Variants in SLCO3A1 observed in about 807,000 individuals in gnomAD.
The protein encoded by SLCO3A1 is solute carrier organic anion transporter family member 3A1, also known as PGE1 transporter.
SLCO3A1 carries 27 observed loss-of-function variants against 63.1 expected under a neutral mutation model. That is an observed-to-expected ratio of 0.43 (90% CI 0.32 to 0.59). The LOEUF (loss-of-function observed/expected upper bound fraction) is 0.59, where lower values mean the gene tolerates loss of function less well. Among genes scored for constraint, SLCO3A1 ranks in the 20% least tolerant of loss-of-function variants. SLCO3A1 has a pLI of 0.09. For missense variants in SLCO3A1, 773 were observed against 945.8 expected, an observed-to-expected ratio of 0.82 and a Z score of 2.40; for synonymous variants, 473 against 409.9, an observed-to-expected ratio of 1.15 and a Z score of -1.86.
intron 2 of SLCO3A1, among the ~76,000 whole-genome samples, chr15:91,998,601 T>C (rs1567058991): frequency 6.6e-6 from 1 of 152,208 alleles, no homozygotes; most frequent in East Asian, 1.9e-4. Context: ...TACCATCTCA[T>C]ACCAGTCAGA....
At chr15:92,098,434 C>G (rs1057309722) in intron 3 of SLCO3A1, among the ~76,000 whole-genome samples, 1 of 152,162 alleles carries the variant, frequency 6.6e-6, no homozygotes, top group African/African-American at 2.4e-5. Context: ...CCCCTGAGAG[C>G]TGGGGGAGGA....
At chr15:92,024,923 C>T (rs2046552860) in intron 2 of SLCO3A1, among the ~76,000 whole-genome samples, 2 of 152,106 alleles carry the variant, frequency 1.3e-5, no homozygotes, top group South Asian at 4.1e-4. Context: ...CCATCCATCC[C>T]TCCATCTGTC....
chr15:91,884,776 T>C (rs1414890232), intron 1 of SLCO3A1, among the ~76,000 whole-genome samples: 1 of 152,172 alleles, frequency 6.6e-6, no homozygotes, highest in Non-Finnish European at 1.5e-5. Context: ...TTGGAATTAT[T>C]TGTTTGGATT....
chr15:91,939,651 A>G (rs1899547551), intron 2 of SLCO3A1, among the ~76,000 whole-genome samples: 1 of 152,126 alleles, frequency 6.6e-6, no homozygotes, highest in Non-Finnish European at 1.5e-5. Flanking sequence ...GCAGTGACAG[A>G]GGGGGTGCCA....
Position 91,885,673 on chromosome 15 carries a change from A to G in SLCO3A1, c.181-30320A>G, listed in dbSNP as rs763010420. Among the ~76,000 whole-genome samples the G allele has an allele frequency of 6.6e-6, 1 of 152,190 alleles. No individual in the cohort carries two copies. The highest frequency in any genetic ancestry group is 1.5e-5 in the Non-Finnish European group (1 of 68,034). On this transcript the variant is annotated intron_variant, in intron 1 of 9. Transcript: ENST00000318445. This position sits in a 1 kb window ranked among gnomAD's most constrained non-coding sequence, Gnocchi z 4.7. ...CTCTGTCCTTGATTTCATTCACAGTAGACAGTTTTAGGTAGATCCCTGCTG... is the reference window on the plus strand; with the variant it reads ...CTCTGTCCTTGATTTCATTCACAGTGGACAGTTTTAGGTAGATCCCTGCTG...
intron 2 of SLCO3A1, among the ~76,000 whole-genome samples, chr15:91,955,036 CTCCTATTGTATATA>C (rs1316466585): frequency 6.6e-6 from 1 of 152,138 alleles, no homozygotes; most frequent in Non-Finnish European, 1.5e-5. Flanking sequence ...CGTCCTCTGC[CTCCTATTGTATATA>C]TCCCTTTCAT....
chr15:91,971,365 A>T (rs1359381186), intron 2 of SLCO3A1, among the ~76,000 whole-genome samples: 1 of 128,284 alleles, frequency 7.8e-6, no homozygotes, highest in East Asian at 2.5e-4. Context: ...ACTGCACTCC[A>T]GCCTGGGTGA....
At chr15:91,909,444 G>A in intron 1 of SLCO3A1, among the ~76,000 whole-genome samples, 1 of 152,176 alleles carries the variant, frequency 6.6e-6, no homozygotes, top group East Asian at 1.9e-4. Flanking sequence ...TACAGAGAAA[G>A]TATGCCAGAC....
At position 92,033,917 on chromosome 15, in the gene SLCO3A1, T is replaced by C. The variant is rs1182720302; in HGVS notation, c.647-60964T>C. Among the ~76,000 whole-genome samples, 1 of 150,402 alleles carries C rather than the reference T, an allele frequency of 6.6e-6. No individual in the cohort carries two copies. Among genetic ancestry groups the C allele is most frequent in the East Asian group, 2.0e-4 (1 of 5,020 alleles). ...TAGGGCTGGAGCAGGCTGGCGTTGA[T>C]GAGCTGGGAGCAGGCGCATGGGTGG... On this transcript the variant is annotated intron_variant, in intron 2 of 9. Coordinates refer to ENST00000318445, the MANE Select transcript of SLCO3A1 (RefSeq NM_013272.4). This position sits in a 1 kb window ranked among gnomAD's most constrained non-coding sequence, Gnocchi z 4.5.
intron 2 of SLCO3A1, among the ~76,000 whole-genome samples, chr15:91,947,353 C>T (rs1899844315): frequency 6.6e-6 from 1 of 152,224 alleles, no homozygotes; most frequent in Non-Finnish European, 1.5e-5. Context: ...TGGGAATCCT[C>T]AGGCCTTTCC....
At chr15:92,012,155 T>A (rs1465915119) in intron 2 of SLCO3A1, among the ~76,000 whole-genome samples, 1 of 152,228 alleles carries the variant, frequency 6.6e-6, no homozygotes, top group African/African-American at 2.4e-5. Context: ...TAATAATCAG[T>A]GCCGTTTATT....
At chr15:92,062,907 C>G (rs1243832271) in intron 2 of SLCO3A1, among the ~76,000 whole-genome samples, 3 of 152,194 alleles carry the variant, frequency 2.0e-5, no homozygotes, top group Non-Finnish European at 4.4e-5. Context: ...GCAGGTCCCT[C>G]TCAGTAAGTC....
intron 2 of SLCO3A1, among the ~76,000 whole-genome samples, chr15:91,999,549 C>G (rs141648093): frequency 1.3e-5 from 2 of 152,204 alleles, no homozygotes; most frequent in African/African-American, 4.8e-5. Flanking sequence ...CAAAGAGATA[C>G]TGTCCTACAC....
chr15:92,159,425 T>C (rs1268526038), intron 9 of SLCO3A1, among the ~76,000 whole-genome samples: 2 of 151,436 alleles, frequency 1.3e-5, no homozygotes, highest in African/African-American at 2.4e-5. Context: ...GCGGAGGTTG[T>C]AGTGAGCCGA....
intron 2 of SLCO3A1, among the ~76,000 whole-genome samples, chr15:91,921,553 T>A (rs1243253947): frequency 6.6e-6 from 1 of 152,190 alleles, no homozygotes; most frequent in African/African-American, 2.4e-5. Context: ...ATAGTTTTTT[T>A]TTTAAATAAC....
chr15:91,910,244 G>T (rs1898442083), intron 1 of SLCO3A1, among the ~76,000 whole-genome samples: 2 of 152,120 alleles, frequency 1.3e-5, no homozygotes, highest in African/African-American at 4.8e-5. Flanking sequence ...GATCTTTGTT[G>T]CATCCCAGGT....
intron 9 of SLCO3A1, among the ~76,000 whole-genome samples, chr15:92,159,440 A>G (rs1031416620): frequency 2.4e-4 from 37 of 151,910 alleles, no homozygotes; most frequent in African/African-American, 8.7e-4. Flanking sequence ...AGCCGAGATC[A>G]TGCCACTGCA....
intron 2 of SLCO3A1, among the ~76,000 whole-genome samples, chr15:91,994,092 G>A (rs372346948): frequency 6.6e-6 from 1 of 152,150 alleles, no homozygotes; most frequent in Non-Finnish European, 1.5e-5. Flanking sequence ...TAAAATTTGC[G>A]TGACATGATA....
chr15:91,880,426 T>TGTGTG (rs1555446490), intron 1 of SLCO3A1, among the ~76,000 whole-genome samples: 4 of 150,980 alleles, frequency 2.6e-5, no homozygotes, highest in African/African-American at 4.9e-5. Context: ...TGTGTGTGTG[T>TGTGTG]AGTTCTTTGC....
Sources: gnomAD v4.1 joint callset for allele counts (sites outside exome capture counted in the v4.1 genomes callset) on GRCh38, gnomAD v4.1.1 for gene constraint, Gnocchi (gnomAD v3.1) non-coding constraint, MANE v1.5 for transcripts, NCBI Gene and HGNC (gene_info 2026-07-23, HGNC 2026-07-21) for gene names.